MARCHF5: variants seen among roughly 807,000 people sequenced by gnomAD.
MARCHF5 encodes the protein E3 ubiquitin-protein ligase MARCHF5.
A neutral mutation model predicts 36.5 loss-of-function variants in MARCHF5; 5 were observed. The observed-to-expected ratio is 0.14, with a 90% CI of 0.07 to 0.29. The LOEUF (loss-of-function observed/expected upper bound fraction) is 0.29, where lower values mean the gene tolerates loss of function less well. Ranked by LOEUF, MARCHF5 falls within the 10% of genes least tolerant of loss-of-function variation. The pLI is 1.00. For missense variants in MARCHF5, 179 were observed against 336.3 expected, an observed-to-expected ratio of 0.53 and a Z score of 3.66; for synonymous variants, 103 against 109.9, an observed-to-expected ratio of 0.94 and a Z score of 0.39.
Position 92,351,078 on chromosome 10 carries a change from CT to C in MARCHF5, c.721-8del. The C allele has an allele frequency of 6.8e-7, 1 of 1,479,072 alleles. No homozygotes were observed. The highest frequency in any genetic ancestry group is 9.4e-7 in the Non-Finnish European group (1 of 1,067,368). The allele number at this position is 1,479,072 out of a possible 1,614,324, so 91.6% of individuals were successfully genotyped here. A position where few individuals can be genotyped will look rare whatever the true frequency, so the allele number is the denominator to read the frequency against. On this transcript the variant is annotated splice_polypyrimidine_tract_variant and intron_variant, in intron 5 of 5. Transcript: ENST00000358935. ...TCTGCATTATAAAAAGCTAATTTTC[CT>C]TTTTATTTTAGGGTGGAATTGCGTT...
intron 1 of MARCHF5, among the ~76,000 whole-genome samples, chr10:92,308,958 GC>G (rs1843111913): frequency 6.6e-6 from 1 of 152,138 alleles, no homozygotes; most frequent in Admixed American, 6.5e-5. Context: ...GCCCGCTTCA[GC>G]CTCCCAAAGT....
intron 3 of MARCHF5, among the ~76,000 whole-genome samples, chr10:92,348,443 C>A (rs1010889202): frequency 6.6e-6 from 1 of 152,044 alleles, no homozygotes; most frequent in African/African-American, 2.4e-5. Flanking sequence ...GAGCCAAGAT[C>A]ACACCACTGC....
intron 1 of MARCHF5, among the ~76,000 whole-genome samples, chr10:92,295,340 TG>T (rs1842935732): frequency 1.0e-5 from 1 of 98,904 alleles, no homozygotes; most frequent in Non-Finnish European, 2.0e-5. Context: ...TTTTTTTTTT[TG>T]AGGCGAAGTC....
intron 5 of MARCHF5, chr10:92,350,125 G>C: frequency 3.4e-6 from 1 of 295,156 alleles, no homozygotes; most frequent in Non-Finnish European, 6.2e-6. Flanking sequence ...TTTACGATCA[G>C]ACCACCTGGT....
intron 1 of MARCHF5, among the ~76,000 whole-genome samples, chr10:92,309,964 T>C (rs529960815): frequency 6.6e-6 from 1 of 152,342 alleles, no homozygotes; most frequent in Admixed American, 6.5e-5. Flanking sequence ...ACTTAGATCT[T>C]ATGAAACCTG....
At chr10:92,298,176 C>T (rs968266412) in intron 1 of MARCHF5, among the ~76,000 whole-genome samples, 1 of 152,018 alleles carries the variant, frequency 6.6e-6, no homozygotes, top group South Asian at 2.1e-4. Context: ...ATCTCTCTCT[C>T]TATATATGTA....
At chr10:92,305,296 A>G (rs1445243667) in intron 1 of MARCHF5, among the ~76,000 whole-genome samples, 1 of 151,962 alleles carries the variant, frequency 6.6e-6, no homozygotes, top group Non-Finnish European at 1.5e-5. Context: ...AGTCCCAGCT[A>G]CTCGGGAGGG....
chr10:92,297,638 C>T (rs1461102228), intron 1 of MARCHF5, among the ~76,000 whole-genome samples: 4 of 151,514 alleles, frequency 2.6e-5, no homozygotes, highest in African/African-American at 4.9e-5. Flanking sequence ...ACTACAAGCA[C>T]GTGCCACCAC....
rs548584046 is a variant in MARCHF5 at position 92,291,544 on chromosome 10, G to T, written c.35+15G>T. 1.2e-4 allele frequency: 190 copies of T among 1,530,940 alleles called. No homozygotes were observed. The East Asian group carries it at 3.7e-3, about 29-fold the overall frequency. The allele number at this position is 1,530,940 out of a possible 1,614,324, so 94.8% of individuals were successfully genotyped here. ...ATGCTGGACAGGTACGGGCAGCTGT[G>T]GGGGGGACCGGGAGCCGCCGACCCT... On this transcript the variant is annotated intron_variant, in intron 1 of 5. Transcript: ENST00000358935.
At position 92,311,267 on chromosome 10, in the gene MARCHF5, A is replaced by G; in HGVS notation, c.168A>G (p.Arg56=). ...AACGCTGGGTGGATGAAAAGCAAAG[A>G]GGAAACAGTACAGCCAGAGTGGCAT... is the stretch of plus-strand genomic sequence containing the variant. ...CLQRWVDEKQ[R]GNSTARVACP... is the part of the protein sequence containing the mutation. Residue 56 remains arginine (R), a synonymous_variant, in exon 2 of 6, where the codon AGA becomes AGG. Transcript: ENST00000358935. 6.2e-7 allele frequency: 1 copy of G among 1,613,464 alleles called. No homozygotes were observed. Among genetic ancestry groups the G allele is most frequent in the Non-Finnish European group, 8.5e-7 (1 of 1,179,594 alleles).
At chr10:92,295,591 G>C (rs1842940925) in intron 1 of MARCHF5, among the ~76,000 whole-genome samples, 1 of 150,976 alleles carries the variant, frequency 6.6e-6, no homozygotes, top group African/African-American at 2.4e-5. Context: ...TGTATTTTTA[G>C]TAGAGACGGG....
At chr10:92,332,596 C>T (rs1843449862) in intron 2 of MARCHF5, among the ~76,000 whole-genome samples, 1 of 144,588 alleles carries the variant, frequency 6.9e-6, no homozygotes, top group South Asian at 2.2e-4. Flanking sequence ...TCTTGGCTCA[C>T]TACAACCTCC....
chr10:92,299,187 T>C (rs886866079), intron 1 of MARCHF5, among the ~76,000 whole-genome samples: 2 of 152,190 alleles, frequency 1.3e-5, no homozygotes, highest in African/African-American at 4.8e-5. Flanking sequence ...TTGTTGATTT[T>C]CCTTTTTCTA....
chr10:92,319,471 T>C (rs1474809538), intron 2 of MARCHF5, among the ~76,000 whole-genome samples: 1 of 151,470 alleles, frequency 6.6e-6, no homozygotes, highest in Non-Finnish European at 1.5e-5. Context: ...AATTTTTGTA[T>C]TTTTAGTAGA....
intron 2 of MARCHF5, 64 bp downstream of exon 2, chr10:92,311,401 C>A: frequency 1.7e-6 from 2 of 1,162,856 alleles, no homozygotes; most frequent in South Asian, 3.2e-5. Context: ...TTTATAAGTT[C>A]ATTTTAAAAT....
chr10:92,346,186 T>G (rs1445217802), intron 3 of MARCHF5, among the ~76,000 whole-genome samples: 1 of 152,234 alleles, frequency 6.6e-6, no homozygotes, highest in Admixed American at 6.5e-5. Context: ...TCACCTTTCA[T>G]TTATTGCCCC....
intron 2 of MARCHF5, among the ~76,000 whole-genome samples, chr10:92,339,850 A>C (rs1182124519): frequency 6.6e-6 from 1 of 152,206 alleles, no homozygotes; most frequent in Non-Finnish European, 1.5e-5. Context: ...AGGAAGTAGT[A>C]GTCAGATTTC....
At chr10:92,339,823 TC>T (rs1485218296) in intron 2 of MARCHF5, among the ~76,000 whole-genome samples, 1 of 152,148 alleles carries the variant, frequency 6.6e-6, no homozygotes. Context: ...ATGCTGCTTT[TC>T]CAAATAACTT....
chr10:92,339,991 C>G (rs1564952965), intron 2 of MARCHF5, among the ~76,000 whole-genome samples: 2 of 152,036 alleles, frequency 1.3e-5, no homozygotes, highest in African/African-American at 4.8e-5. Context: ...TATTGAAAAT[C>G]AAAGAGAGAT....
Sources: gnomAD v4.1 joint callset for allele counts (sites outside exome capture counted in the v4.1 genomes callset) on GRCh38, gnomAD v4.1.1 for gene constraint, MANE v1.5 for transcripts, NCBI Gene and HGNC (gene_info 2026-07-23, HGNC 2026-07-21) for gene names.